The following MICAL2 variants were observed in gnomAD, a reference collection of about 807,000 sequenced individuals.
The protein encoded by MICAL2 is microtubule associated monooxygenase, calponin and LIM domain containing 2.
A neutral mutation model predicts 127.3 loss-of-function variants in MICAL2; 77 were observed. The ratio of observed to expected loss-of-function variants is 0.60; its 90% CI spans 0.50 to 0.73. The LOEUF is 0.73. Among genes scored for constraint, MICAL2 ranks in the 30% least tolerant of loss-of-function variants. The pLI is 0.00. For missense variants in MICAL2, 1,351 were observed against 1,434.4 expected, an observed-to-expected ratio of 0.94 and a Z score of 0.94; for synonymous variants, 570 against 551.1, an observed-to-expected ratio of 1.03 and a Z score of -0.48.
intron 15 of MICAL2, among the ~76,000 whole-genome samples, chr11:12,233,763 CAGT>C (rs1245523279): frequency 9.9e-5 from 15 of 152,262 alleles, no homozygotes; most frequent in Admixed American, 4.6e-4. Context: ...TCTTTGGGCA[CAGT>C]AAGTATTTTC....
At chr11:12,247,552 C>A (rs1211587075) in intron 21 of MICAL2, among the ~76,000 whole-genome samples, 1 of 152,186 alleles carries the variant, frequency 6.6e-6, no homozygotes, top group Non-Finnish European at 1.5e-5. Context: ...TCATGCAGGT[C>A]ACACTGTGAG....
intron 3 of MICAL2, among the ~76,000 whole-genome samples, chr11:12,169,718 C>G (rs552011150): frequency 1.3e-5 from 2 of 152,226 alleles, no homozygotes; most frequent in Non-Finnish European, 2.9e-5. Context: ...TATTTCCAGT[C>G]TATTGCCATT....
intron 3 of MICAL2, among the ~76,000 whole-genome samples, chr11:12,203,978 T>C (rs1023232153): frequency 6.6e-6 from 1 of 152,228 alleles, no homozygotes; most frequent in Non-Finnish European, 1.5e-5. Context: ...TCACTTTGAC[T>C]CTGAAGTTCA....
chr11:12,242,999 G>C (rs2134488433), intron 20 of MICAL2: 1 of 421,824 alleles, frequency 2.4e-6, no homozygotes, highest in South Asian at 3.3e-5. Flanking sequence ...ACTAAGACAG[G>C]AAAGTAAACA....
chr11:12,342,525 A>G (rs1478446004), intron 32 of MICAL2, among the ~76,000 whole-genome samples: 1 of 152,234 alleles, frequency 6.6e-6, no homozygotes, highest in Non-Finnish European at 1.5e-5. Flanking sequence ...TGAACAGAAA[A>G]TAATCCATAT....
chr11:12,190,789 C>T (rs907750091), intron 3 of MICAL2, among the ~76,000 whole-genome samples: 1 of 152,192 alleles, frequency 6.6e-6, no homozygotes, highest in Admixed American at 6.5e-5. Context: ...CTTAGCTCTG[C>T]CTTTTACCAG....
In MICAL2 at chr11:12,258,594, GC is replaced by G. The variant is rs751074358; in HGVS notation, c.3231+42del. On this transcript the variant is annotated intron_variant, in intron 25 of 27. Transcript: ENST00000683283. The stretch of plus-strand genomic sequence containing the variant: ...CAAACATGCTGGTGAAACGGGGAAG[GC>G]CCCTTGATAAGGGTTTCCAGTGATC... 18 of 1,582,106 alleles carry G rather than the reference GC, an allele frequency of 1.1e-5. 1 individual carries two copies. In the South Asian group the frequency reaches 1.8e-4, roughly 16 times the overall value.
At chr11:12,245,738 A>T (rs1817619163) in intron 21 of MICAL2, among the ~76,000 whole-genome samples, 1 of 152,226 alleles carries the variant, frequency 6.6e-6, no homozygotes, top group Non-Finnish European at 1.5e-5. Context: ...CTCATGTTAC[A>T]GTGAGCAACA....
At chr11:12,319,741 C>T in exon 30 of MICAL2, 4 of 1,614,122 alleles carry the variant, frequency 2.5e-6, no homozygotes, top group East Asian at 2.2e-5. Flanking sequence ...GAGGCTTCCT[C>T]TTCTGCCTCT....
chr11:12,192,982 G>T (rs7949700), intron 3 of MICAL2, among the ~76,000 whole-genome samples: 147,380 of 152,246 alleles, frequency 0.97, 71,541 homozygotes, highest in Non-Finnish European at 1. Context: ...TGACGTCAGA[G>T]GTAATAAGCT....
At chr11:12,220,517 T>C in intron 9 of MICAL2, 59 bp downstream of exon 9, 1 of 1,574,172 alleles carries the variant, frequency 6.4e-7, no homozygotes, top group South Asian at 1.2e-5. Context: ...ACGTTTGTAT[T>C]CTGGCAGGCA....
At chr11:12,338,547 C>T (rs1422817811) in intron 32 of MICAL2, among the ~76,000 whole-genome samples, 3 of 152,050 alleles carry the variant, frequency 2.0e-5, no homozygotes, top group Admixed American at 1.3e-4. Flanking sequence ...TTCTTCCTAG[C>T]CTTGATGGTC....
chr11:12,189,191 G>T (rs1368690803), intron 3 of MICAL2, among the ~76,000 whole-genome samples: 1 of 152,144 alleles, frequency 6.6e-6, no homozygotes, highest in Non-Finnish European at 1.5e-5. Flanking sequence ...CCTGCCTAGT[G>T]GGACCTCTGC....
At chr11:12,294,838 T>TCCTCCA (rs1863964378), downstream of MICAL2, 1 of 1,409,114 alleles carries the variant, frequency 7.1e-7, no homozygotes. Context: ...CTCCTCCTCC[T>TCCTCCA]CCTACAGCGG....
chr11:12,213,431 C>A (rs370534365), intron 7 of MICAL2, 21 bp downstream of exon 7: 1 of 1,608,332 alleles, frequency 6.2e-7, no homozygotes, highest in South Asian at 1.1e-5. Context: ...CACCTTTCTC[C>A]CAACCAGGCC....
At chr11:12,125,703 T>C (rs10741566) in intron 1 of MICAL2, among the ~76,000 whole-genome samples, 23,589 of 152,216 alleles carry the variant, frequency 0.15, 2,096 homozygotes, top group South Asian at 0.29. Flanking sequence ...TGTGTATATA[T>C]GCATAATCAC....
chr11:12,153,395 A>G (rs1471037935), intron 2 of MICAL2: 1 of 152,058 alleles, frequency 6.6e-6, no homozygotes, highest in Non-Finnish European at 1.5e-5. Flanking sequence ...TCATGTTGTT[A>G]TGCAACCATC....
chr11:12,358,168 C>T (rs1348403539), intron 34 of MICAL2: 2 of 931,108 alleles, frequency 2.1e-6, no homozygotes, highest in South Asian at 1.8e-5. Context: ...GTGTTAAATT[C>T]ATTTCCTTGT....
At chr11:12,337,355 T>C (rs1753123081) in intron 32 of MICAL2, among the ~76,000 whole-genome samples, 1 of 152,260 alleles carries the variant, frequency 6.6e-6, no homozygotes, top group South Asian at 2.1e-4. Context: ...TTATTCTTTA[T>C]TAGTCTTGCT....
Sources: gnomAD v4.1 joint callset for allele counts (sites outside exome capture counted in the v4.1 genomes callset) on GRCh38, gnomAD v4.1.1 for gene constraint, MANE v1.5 for transcripts, NCBI Gene and HGNC (gene_info 2026-07-23, HGNC 2026-07-21) for gene names.